GAREM1: variants seen among roughly 807,000 people sequenced by gnomAD.
GAREM1 encodes GRB2 associated regulator of MAPK1 subtype 1.
A neutral mutation model predicts 71.3 loss-of-function variants in GAREM1; 26 were observed. The ratio of observed to expected loss-of-function variants is 0.36; its 90% confidence interval spans 0.27 to 0.51. The LOEUF (loss-of-function observed/expected upper bound fraction) is 0.51, where lower values mean the gene tolerates loss of function less well. Ranked by LOEUF, GAREM1 falls within the 20% of genes least tolerant of loss-of-function variation. The pLI is 0.95. For missense variants in GAREM1, 1,026 were observed against 1,103.1 expected, an observed-to-expected ratio of 0.93 and a Z score of 0.99; for synonymous variants, 440 against 433.2, an observed-to-expected ratio of 1.02 and a Z score of -0.20.
intron 4 of GAREM1, among the ~76,000 whole-genome samples, chr18:32,275,550 C>T (rs896073309): frequency 3.3e-5 from 5 of 152,208 alleles, no homozygotes; most frequent in African/African-American, 1.2e-4. Flanking sequence ...ATGACAGGGT[C>T]AATGAGCACA....
chr18:32,268,611 A>G lies in GAREM1; in HGVS notation c.1891T>C (p.Ser631Pro). The change falls in exon 6 of 6, where the codon TCA becomes CCA. Residue 631 changes from serine to proline, a missense_variant. By Grantham distance (74) the Ser-to-Pro change is moderately conservative (BLOSUM62 -1). Around this residue, in one of 3 missense-constraint regions of GAREM1, gnomAD observed 636 missense variants for 631.2 expected, o/e 1.01. Transcript: ENST00000269209. ...SSRLSWPNHY[S>P]GASESQTRSD... ...CTGGTCTGGCTTTCTGATGCTCCTG[A>G]ATAATGGTTAGGCCATGAGAGCCGA... 6.8e-6 allele frequency: 11 copies of G among 1,614,168 alleles called. No individual in the cohort carries two copies. The highest frequency in any genetic ancestry group is 9.3e-6 in the Non-Finnish European group (11 of 1,180,020).
intron 2 of GAREM1, among the ~76,000 whole-genome samples, chr18:32,323,180 A>G (rs2047446019): frequency 6.6e-6 from 1 of 152,206 alleles, no homozygotes; most frequent in South Asian, 2.1e-4. Flanking sequence ...AAAAAATGTC[A>G]CCCAGCCCCA....
At chr18:32,271,241 G>T (rs1448209676) in intron 4 of GAREM1, among the ~76,000 whole-genome samples, 1 of 151,752 alleles carries the variant, frequency 6.6e-6, no homozygotes, top group African/African-American at 2.4e-5. Flanking sequence ...TGCCCATGTT[G>T]GAGTGCAGCG....
intron 1 of GAREM1, among the ~76,000 whole-genome samples, chr18:32,462,436 G>A (rs951255614): frequency 7.2e-5 from 11 of 151,932 alleles, no homozygotes; most frequent in Non-Finnish European, 1.3e-4. Flanking sequence ...TGCCTATTAA[G>A]GTGTTTTGCC....
intron 2 of GAREM1, among the ~76,000 whole-genome samples, chr18:32,390,156 G>A (rs1185744702): frequency 2.6e-5 from 4 of 152,128 alleles, no homozygotes; most frequent in Admixed American, 6.5e-5. Flanking sequence ...GGGTGACAGA[G>A]TGACACCTTG....
chr18:32,350,300 GAAAT>G (rs2047735558), intron 2 of GAREM1, among the ~76,000 whole-genome samples: 1 of 152,082 alleles, frequency 6.6e-6, no homozygotes, highest in African/African-American at 2.4e-5. Context: ...TGGAAAATAA[GAAAT>G]AAATCACCTC....
chr18:32,414,693 C>T (rs778906984), intron 1 of GAREM1, among the ~76,000 whole-genome samples: 11 of 151,940 alleles, frequency 7.2e-5, no homozygotes, highest in Non-Finnish European at 1.6e-4. Context: ...ACACAACATA[C>T]TAAAACCTAC....
At chr18:32,279,665 G>A (rs961014967) in intron 4 of GAREM1, among the ~76,000 whole-genome samples, 5 of 152,062 alleles carry the variant, frequency 3.3e-5, no homozygotes, top group Non-Finnish European at 5.9e-5. Flanking sequence ...GAAATAAAGT[G>A]TACAATAAAT....
intron 2 of GAREM1, among the ~76,000 whole-genome samples, chr18:32,366,042 C>T (rs2047926128): frequency 6.6e-6 from 1 of 152,136 alleles, no homozygotes; most frequent in Non-Finnish European, 1.5e-5. Flanking sequence ...TTTCTTCAAA[C>T]TGTTAGCACC....
chr18:32,356,928 G>C (rs935898843), intron 2 of GAREM1, among the ~76,000 whole-genome samples: 1 of 152,162 alleles, frequency 6.6e-6, no homozygotes, highest in East Asian at 1.9e-4. Context: ...GCTTTCCATT[G>C]TATGTATAAT....
intron 2 of GAREM1, among the ~76,000 whole-genome samples, chr18:32,366,836 A>G (rs2047932630): frequency 6.6e-6 from 1 of 152,190 alleles, no homozygotes; most frequent in South Asian, 2.1e-4. Flanking sequence ...ATTCTGGAAA[A>G]ACCAGTGGGT....
intron 2 of GAREM1, among the ~76,000 whole-genome samples, chr18:32,329,703 TAAAAAA>T (rs756082703): frequency 6.4e-5 from 5 of 78,154 alleles, no homozygotes; most frequent in Admixed American, 2.9e-4. Context: ...GAGACTCCAT[TAAAAAA>T]AAAAAAAAAA....
intron 2 of GAREM1, among the ~76,000 whole-genome samples, chr18:32,332,066 C>G (rs1598966995): frequency 6.6e-6 from 1 of 151,306 alleles, no homozygotes; most frequent in East Asian, 1.9e-4. Context: ...AGGCAACTCA[C>G]TTGGGGCATT....
At chr18:32,398,618 A>G (rs1019006624) in intron 1 of GAREM1, among the ~76,000 whole-genome samples, 2 of 152,202 alleles carry the variant, frequency 1.3e-5, no homozygotes, top group Admixed American at 6.5e-5. Context: ...CTAAACCAGG[A>G]AGAAGTTGAA....
chr18:32,465,958 G>A (rs1467860126), intron 1 of GAREM1, among the ~76,000 whole-genome samples: 1 of 152,112 alleles, frequency 6.6e-6, no homozygotes, highest in Non-Finnish European at 1.5e-5. Context: ...AAGATGCATT[G>A]CCTGAGGGTG....
Position 32,309,548 on chromosome 18 carries a change from G to A in GAREM1, c.393+645C>T, listed in dbSNP as rs778681125. On this transcript the variant is annotated intron_variant, in intron 3 of 5. Coordinates refer to ENST00000269209, the MANE Select transcript of GAREM1 (RefSeq NM_001242409.2). ...GGAGAATGGCATGAACCAGGGAGGC[G>A]AAGCTTGCAGTGAGCCGAGATCGCG... Among the ~76,000 whole-genome samples, 7 of 139,118 alleles carry A rather than the reference G, an allele frequency of 5.0e-5. 1 individual carries two copies. Among genetic ancestry groups the A allele is most frequent in the Admixed American group, 1.6e-4 (2 of 12,332 alleles). The allele number at this position is 139,118 out of a possible 152,430, so 91.3% of individuals were successfully genotyped here.
intron 1 of GAREM1, among the ~76,000 whole-genome samples, chr18:32,454,864 G>A (rs1000293793): frequency 6.6e-6 from 1 of 152,174 alleles, no homozygotes; most frequent in African/African-American, 2.4e-5. Context: ...CTCTGTAGAT[G>A]AGTCATTCAG....
chr18:32,456,552 T>C (rs1438170120), intron 1 of GAREM1, among the ~76,000 whole-genome samples: 1 of 152,162 alleles, frequency 6.6e-6, no homozygotes, highest in Non-Finnish European at 1.5e-5. Flanking sequence ...ACTCCACTTC[T>C]GTGAACTGAG....
At chr18:32,310,991 T>C (rs1184317211) in intron 2 of GAREM1, among the ~76,000 whole-genome samples, 1 of 152,212 alleles carries the variant, frequency 6.6e-6, no homozygotes, top group Admixed American at 6.5e-5. Flanking sequence ...CAGAGCTCCA[T>C]GTGGCTCCTT....
Sources: allele counts gnomAD v4.1 joint callset (sites outside exome capture counted in the v4.1 genomes callset), GRCh38; gene constraint gnomAD v4.1.1; regional missense constraint gnomAD v4.1.1; transcripts MANE v1.5; gene names NCBI Gene and HGNC (gene_info 2026-07-23, HGNC 2026-07-21).